Variants in GLIS3 observed in about 807,000 individuals in gnomAD.
GLIS3 encodes GLIS family zinc finger 3, also known as zinc finger protein GLIS3.
Under a neutral mutation model 78.6 loss-of-function variants are expected in GLIS3, and 53 were observed. The observed-to-expected ratio is 0.67, with a 90% CI of 0.54 to 0.85. The LOEUF (loss-of-function observed/expected upper bound fraction) is 0.85. GLIS3 is among the 40% of genes least tolerant of loss of function. GLIS3 has a pLI of 0.00. For synonymous variants in GLIS3, 684 were observed against 509.9 expected (o/e 1.34, Z -4.60); for missense variants, 1,703 against 1,231.1 (o/e 1.38, Z -5.74).
At chr9:4,026,987 G>A (rs1041620568) in intron 4 of GLIS3, among the ~76,000 whole-genome samples, 1 of 152,168 alleles carries the variant, frequency 6.6e-6, no homozygotes, top group Non-Finnish European at 1.5e-5. Context: ...GGAGTCTCAT[G>A]ATTTAAGGCC....
chr9:4,180,328 A>G lies in GLIS3; in HGVS notation c.389-54387T>C, dbSNP rs146543952. Reference sequence around the variant, plus strand: ...CACATTCTTCCAACCCTGCTCACCAATTTAGTCGCAAGAGGAAGTATACCA... The same window carrying G: ...CACATTCTTCCAACCCTGCTCACCAGTTTAGTCGCAAGAGGAAGTATACCA... On this transcript the variant is annotated intron_variant, in intron 2 of 10. Transcript: ENST00000381971. Among the ~76,000 whole-genome samples, 53 of 152,276 alleles carry G rather than the reference A, an allele frequency of 3.5e-4. No homozygotes were observed. The East Asian group carries it at 9.3e-3, about 27-fold the overall frequency.
At chr9:4,188,472 C>A (rs1435502538) in intron 2 of GLIS3, among the ~76,000 whole-genome samples, 13 of 149,202 alleles carry the variant, frequency 8.7e-5, no homozygotes, top group Non-Finnish European at 1.2e-4. Flanking sequence ...TTGGTTGTGT[C>A]TCTGCCCGGC....
At chr9:4,245,106 C>G (rs1823679377) in intron 2 of GLIS3, among the ~76,000 whole-genome samples, 2 of 152,206 alleles carry the variant, frequency 1.3e-5, no homozygotes, top group Admixed American at 6.5e-5. Context: ...TGTAACGTGT[C>G]TAGGTATGTA....
At chr9:3,948,456 A>G (rs1251308181) in intron 4 of GLIS3, among the ~76,000 whole-genome samples, 1 of 152,112 alleles carries the variant, frequency 6.6e-6, no homozygotes, top group Non-Finnish European at 1.5e-5. Flanking sequence ...TAGTTATTCA[A>G]TCACTGTCAT....
At chr9:4,354,570 T>A in the GLIS3 span, among the ~76,000 whole-genome samples, 3 of 152,304 alleles carry the variant, frequency 2.0e-5, no homozygotes, top group East Asian at 5.8e-4. Context: ...AAAACCTCAG[T>A]GCACGGGATT....
At chr9:3,948,603 G>A (rs1047849210) in intron 4 of GLIS3, among the ~76,000 whole-genome samples, 4 of 152,098 alleles carry the variant, frequency 2.6e-5, no homozygotes, top group East Asian at 3.8e-4. Context: ...GTGATCCCAG[G>A]AATAATAAGT....
chr9:3,865,184 G>A (rs1041808587), intron 8 of GLIS3, among the ~76,000 whole-genome samples: 1 of 152,162 alleles, frequency 6.6e-6, no homozygotes, highest in African/African-American at 2.4e-5. Context: ...TCTCAGAAAA[G>A]GACACAAACA....
chr9:3,873,503 A>G (rs142898544), intron 8 of GLIS3, among the ~76,000 whole-genome samples: 205 of 152,288 alleles, frequency 1.3e-3, no homozygotes, highest in African/African-American at 4.7e-3. Flanking sequence ...GAATAAATTC[A>G]ATGTCTGGTA....
chr9:4,447,833 T>A, the GLIS3 span, among the ~76,000 whole-genome samples: 1 of 152,246 alleles, frequency 6.6e-6, no homozygotes, highest in African/African-American at 2.4e-5. Flanking sequence ...AACCTAAGAC[T>A]GGTCTGTTCC....
chr9:4,413,278 C>A, the GLIS3 span, among the ~76,000 whole-genome samples: 2 of 152,128 alleles, frequency 1.3e-5, no homozygotes. Context: ...TATGGCCATA[C>A]CCTTGCATAG....
chr9:4,283,459 T>C (rs994582330), intron 2 of GLIS3, among the ~76,000 whole-genome samples: 5 of 151,934 alleles, frequency 3.3e-5, no homozygotes, highest in African/African-American at 1.2e-4. Flanking sequence ...AGAGGCGGCG[T>C]TTCACCATCT....
At chr9:3,895,078 T>C (rs1350282076) in intron 7 of GLIS3, among the ~76,000 whole-genome samples, 1 of 152,214 alleles carries the variant, frequency 6.6e-6, no homozygotes, top group African/African-American at 2.4e-5. Context: ...TGTTAATAAA[T>C]GGACTCCCTG....
chr9:4,144,387 G>C (rs12341960), intron 2 of GLIS3, among the ~76,000 whole-genome samples: 55,095 of 151,698 alleles, frequency 0.36, 10,350 homozygotes, highest in South Asian at 0.44. Context: ...CATGAAGAGA[G>C]GGCGAGGGAA....
At chr9:4,023,500 C>T (rs753084654) in intron 4 of GLIS3, among the ~76,000 whole-genome samples, 4 of 152,170 alleles carry the variant, frequency 2.6e-5, no homozygotes, top group Admixed American at 6.5e-5. Flanking sequence ...AAACTCCAGA[C>T]GGTGGGTGAA....
At chr9:4,200,845 G>C (rs1174218731) in intron 2 of GLIS3, among the ~76,000 whole-genome samples, 1 of 152,054 alleles carries the variant, frequency 6.6e-6, no homozygotes, top group Non-Finnish European at 1.5e-5. Context: ...TATGATGCAA[G>C]GATCACCTTG....
At position 3,977,651 on chromosome 9, in the gene GLIS3, A is replaced by G. The variant is rs1479792979; in HGVS notation, c.1711-40462T>C. The stretch of plus-strand genomic sequence containing the variant: ...TAGACGGCTTAAAGCAGCCACATCA[A>G]TAATGGCAGAATGACGGCTTAGTTC... On this transcript the variant is annotated intron_variant, in intron 4 of 10. Coordinates refer to ENST00000381971, the MANE Select transcript of GLIS3 (RefSeq NM_001042413.2). The surrounding 1 kb of genome is among the most constrained non-coding windows in gnomAD (Gnocchi z 4.1). Among the ~76,000 whole-genome samples the G allele has an allele frequency of 6.6e-6, 1 of 152,228 alleles. No homozygotes were observed. Among genetic ancestry groups the G allele is most frequent in the Admixed American group, 6.5e-5 (1 of 15,280 alleles).
intron 6 of GLIS3, among the ~76,000 whole-genome samples, chr9:3,907,521 G>A (rs1223881993): frequency 6.6e-6 from 1 of 151,812 alleles, no homozygotes; most frequent in Non-Finnish European, 1.5e-5. Flanking sequence ...GATTAGCAAT[G>A]TGCTGCCGCC....
chr9:3,913,643 T>C (rs1311522551), intron 6 of GLIS3, among the ~76,000 whole-genome samples: 1 of 152,252 alleles, frequency 6.6e-6, no homozygotes, highest in South Asian at 2.1e-4. Flanking sequence ...CAATGTCACT[T>C]GTCCCTTGAA....
chr9:4,021,776 A>C (rs1270212470), intron 4 of GLIS3, among the ~76,000 whole-genome samples: 1 of 152,196 alleles, frequency 6.6e-6, no homozygotes, highest in Non-Finnish European at 1.5e-5. Context: ...AACACTTGCC[A>C]AGCTTCCTGA....
Sources: allele counts gnomAD v4.1 joint callset (sites outside exome capture counted in the v4.1 genomes callset), GRCh38; gene constraint gnomAD v4.1.1; non-coding constraint Gnocchi (gnomAD v3.1); transcripts MANE v1.5; gene names NCBI Gene and HGNC (gene_info 2026-07-23, HGNC 2026-07-21).